Variants in WDPCP observed in about 807,000 individuals in gnomAD.
WDPCP encodes the protein WD repeat containing planar cell polarity effector.
WDPCP carries 71 observed loss-of-function variants against 93.1 expected under a neutral mutation model. The observed-to-expected ratio is 0.76, with a 90% CI of 0.63 to 0.93. WDPCP has a LOEUF of 0.93. Ranked by LOEUF, WDPCP falls within the 40% of genes least tolerant of loss-of-function variation. WDPCP has a pLI of 0.00. For synonymous variants in WDPCP, 315 were observed against 315.0 expected (o/e 1.00, Z 0.00); for missense variants, 844 against 887.4 (o/e 0.95, Z 0.62).
At position 63,532,889 on chromosome 2, in the gene WDPCP, G is replaced by A. The variant is rs563274377; in HGVS notation, c.76-39949C>T. On this transcript the variant is annotated intron_variant, in intron 1 of 17. Coordinates refer to ENST00000272321, the MANE Select transcript of WDPCP (RefSeq NM_015910.7). ...AACCTTAAATATAAATGGGCTAAAT[G>A]CTCTAATTAAAAGACACAGACTGGC... 2.0e-5 allele frequency among the ~76,000 whole-genome samples: 3 copies of A among 152,262 alleles called. No individual in the cohort carries two copies. In the South Asian group the frequency reaches 6.2e-4, roughly 32 times the overall value.
chr2:63,754,180 G>A (rs906784683), intron 2 of WDPCP, among the ~76,000 whole-genome samples: 7 of 152,190 alleles, frequency 4.6e-5, no homozygotes, highest in African/African-American at 1.7e-4. Context: ...TCTATGGAGG[G>A]AGCACAACTT....
chr2:63,799,692 A>T (rs555267170), intron 2 of WDPCP, among the ~76,000 whole-genome samples: 1 of 152,312 alleles, frequency 6.6e-6, no homozygotes, highest in East Asian at 1.9e-4. Flanking sequence ...GTAACCCTTC[A>T]CAAATATAAA....
intron 2 of WDPCP, among the ~76,000 whole-genome samples, chr2:63,704,451 C>T (rs557495249): frequency 1.3e-5 from 2 of 151,976 alleles, no homozygotes; most frequent in East Asian, 3.9e-4. Context: ...ATAGATAGCT[C>T]ATTTTTTTGA....
intron 6 of WDPCP, among the ~76,000 whole-genome samples, chr2:63,480,743 G>C (rs1700218108): frequency 6.6e-6 from 1 of 152,116 alleles, no homozygotes; most frequent in South Asian, 2.1e-4. Context: ...ACTTAAGATG[G>C]ATTAAGGACT....
chr2:63,221,731 TA>T (rs1379732729), intron 14 of WDPCP, among the ~76,000 whole-genome samples: 4 of 152,186 alleles, frequency 2.6e-5, no homozygotes, highest in African/African-American at 9.6e-5. Context: ...GGCTTGACTC[TA>T]AAAGGTTCTC....
chr2:63,199,166 G>C (rs536918448), intron 14 of WDPCP, among the ~76,000 whole-genome samples: 1 of 152,328 alleles, frequency 6.6e-6, no homozygotes, highest in East Asian at 1.9e-4. Context: ...TGAGTGAGTA[G>C]AGATGATCTG....
chr2:63,168,062 T>C (rs1186204683), intron 15 of WDPCP, among the ~76,000 whole-genome samples: 2 of 133,726 alleles, frequency 1.5e-5, no homozygotes, highest in Non-Finnish European at 3.0e-5. Context: ...TGGTGAGCCA[T>C]GATCACGCCA....
At chr2:63,762,956 T>C (rs1670079155) in intron 2 of WDPCP, among the ~76,000 whole-genome samples, 1 of 152,122 alleles carries the variant, frequency 6.6e-6, no homozygotes, top group Non-Finnish European at 1.5e-5. Context: ...TAAAAAAAAT[T>C]TGCTGAGTTT....
At chr2:63,326,518 G>A (rs891867541) in intron 12 of WDPCP, among the ~76,000 whole-genome samples, 2 of 151,782 alleles carry the variant, frequency 1.3e-5, no homozygotes, top group African/African-American at 4.8e-5. Context: ...AGAAAGGAAA[G>A]AGAGAAAGAG....
At chr2:63,336,889 G>C (rs904764781) in intron 12 of WDPCP, among the ~76,000 whole-genome samples, 2 of 134,268 alleles carry the variant, frequency 1.5e-5, no homozygotes, top group South Asian at 4.7e-4. Context: ...ATCTTCATGA[G>C]AGTCACTTTT....
At chr2:63,387,126 T>C (rs1692795739) in intron 10 of WDPCP, among the ~76,000 whole-genome samples, 1 of 152,042 alleles carries the variant, frequency 6.6e-6, no homozygotes, top group Admixed American at 6.6e-5. Context: ...ACTCCCTAAC[T>C]CATTCTATGA....
chr2:63,555,275 G>C (rs1438327442), intron 1 of WDPCP, among the ~76,000 whole-genome samples: 1 of 152,230 alleles, frequency 6.6e-6, no homozygotes, highest in Admixed American at 6.5e-5. Flanking sequence ...CTCCTCACTA[G>C]CTGGGGGGAC....
chr2:63,644,144 G>T (rs1710018909), intron 3 of WDPCP: 2 of 310,362 alleles, frequency 6.4e-6, no homozygotes, highest in Non-Finnish European at 1.3e-5. Context: ...CAGGGATATT[G>T]GCCTATAGTT....
At chr2:63,351,996 T>C (rs1346168922) in intron 12 of WDPCP, among the ~76,000 whole-genome samples, 3 of 152,246 alleles carry the variant, frequency 2.0e-5, no homozygotes, top group Non-Finnish European at 1.5e-5. Flanking sequence ...TTACTATAGT[T>C]CTGATTTGCA....
At chr2:63,422,287 G>A (rs1474522429) in intron 9 of WDPCP, among the ~76,000 whole-genome samples, 1 of 152,186 alleles carries the variant, frequency 6.6e-6, no homozygotes, top group Non-Finnish European at 1.5e-5. Flanking sequence ...CCAACCTGAA[G>A]AGCCTCCCAC....
At chr2:63,751,903 A>G in intron 2 of WDPCP, 1 of 687,516 alleles carries the variant, frequency 1.5e-6, no homozygotes, top group South Asian at 1.4e-5. Flanking sequence ...TCCATCACCA[A>G]ATCCATTATA....
At chr2:63,535,456 A>C (rs1704201195) in intron 1 of WDPCP, among the ~76,000 whole-genome samples, 1 of 152,240 alleles carries the variant, frequency 6.6e-6, no homozygotes, top group South Asian at 2.1e-4. Flanking sequence ...CCTGACTTCA[A>C]ACTATACTAC....
intron 3 of WDPCP, among the ~76,000 whole-genome samples, chr2:63,628,266 A>G (rs961992145): frequency 8.5e-5 from 13 of 152,228 alleles, no homozygotes; most frequent in African/African-American, 3.1e-4. Flanking sequence ...ATAGCGATAA[A>G]AAATTTTTTT....
chr2:63,520,113 A>G (rs923363706), intron 1 of WDPCP, among the ~76,000 whole-genome samples: 1 of 152,232 alleles, frequency 6.6e-6, no homozygotes, highest in Non-Finnish European at 1.5e-5. Context: ...CAGAAGAATC[A>G]ACCAAACTGA....
Sources: gnomAD v4.1 joint callset for allele counts (sites outside exome capture counted in the v4.1 genomes callset) on GRCh38, gnomAD v4.1.1 for gene constraint, MANE v1.5 for transcripts, NCBI Gene and HGNC (gene_info 2026-07-23, HGNC 2026-07-21) for gene names.